The following MACROD1 variants were observed in gnomAD, a reference collection of about 807,000 sequenced individuals.
MACROD1 encodes ADP-ribose glycohydrolase MACROD1.
A neutral mutation model predicts 41.4 loss-of-function variants in MACROD1; 31 were observed. The ratio of observed to expected loss-of-function variants is 0.75; its 90% CI spans 0.56 to 1.01. MACROD1 has a LOEUF of 1.01. Ranked by LOEUF, MACROD1 falls within the 50% of genes least tolerant of loss-of-function variation. The pLI is 0.00. For missense variants in MACROD1, 473 were observed against 460.0 expected, an observed-to-expected ratio of 1.03 and a Z score of -0.26; for synonymous variants, 252 against 203.4, an observed-to-expected ratio of 1.24 and a Z score of -2.03.
intron 3 of MACROD1, among the ~76,000 whole-genome samples, chr11:64,106,289 A>C (rs1258605162): frequency 1.3e-5 from 2 of 151,986 alleles, no homozygotes; most frequent in African/African-American, 4.8e-5. Context: ...ACCCTGGGTC[A>C]CCATGACGTC....
intron 3 of MACROD1, among the ~76,000 whole-genome samples, chr11:64,131,934 G>A (rs1353423572): frequency 3.3e-5 from 5 of 152,184 alleles, no homozygotes; most frequent in Non-Finnish European, 7.3e-5. Context: ...AGTGAGTGGC[G>A]GGAGGGAGGG....
chr11:64,110,110 G>A (rs1398482528), intron 3 of MACROD1, among the ~76,000 whole-genome samples: 1 of 152,112 alleles, frequency 6.6e-6, no homozygotes, highest in African/African-American at 2.4e-5. Flanking sequence ...CACATTTATA[G>A]ATGAGGAAAT....
At chr11:64,133,193 C>T (rs564589359) in intron 3 of MACROD1, among the ~76,000 whole-genome samples, 6 of 152,326 alleles carry the variant, frequency 3.9e-5, no homozygotes, top group African/African-American at 9.6e-5. Context: ...CCTGCTGCCC[C>T]GCTACACAGG....
intron 3 of MACROD1, among the ~76,000 whole-genome samples, chr11:64,062,442 C>T (rs572094061): frequency 2.3e-4 from 35 of 152,246 alleles, no homozygotes; most frequent in Middle Eastern, 3.4e-3. Flanking sequence ...TGGGCATAGG[C>T]GGAAGGCTCG....
intron 3 of MACROD1, among the ~76,000 whole-genome samples, chr11:64,048,174 G>A (rs1943621255): frequency 6.6e-6 from 1 of 152,254 alleles, no homozygotes; most frequent in Non-Finnish European, 1.5e-5. Context: ...TGGCCCACTG[G>A]CCTCTCAGAC....
At chr11:64,158,591 T>C (rs1482140466) in intron 1 of MACROD1, among the ~76,000 whole-genome samples, 1 of 152,006 alleles carries the variant, frequency 6.6e-6, no homozygotes, top group Non-Finnish European at 1.5e-5. Flanking sequence ...GCAGGTGCCA[T>C]TGGTCCCATT....
At chr11:64,127,864 C>T (rs1008637152) in intron 3 of MACROD1, among the ~76,000 whole-genome samples, 2 of 152,148 alleles carry the variant, frequency 1.3e-5, no homozygotes, top group African/African-American at 2.4e-5. Context: ...AGCTCTGGAG[C>T]CTCATCTGCC....
chr11:64,028,615 G>A (rs1250144845), intron 3 of MACROD1, among the ~76,000 whole-genome samples: 1 of 152,198 alleles, frequency 6.6e-6, no homozygotes, highest in Non-Finnish European at 1.5e-5. Context: ...CTCGGCAGCG[G>A]CAGCGTGCTG....
In MACROD1 at chr11:64,006,062, C is replaced by A. The variant is rs771895682; in HGVS notation, c.548-5719G>T. 2.0e-5 allele frequency among the ~76,000 whole-genome samples: 3 copies of A among 152,190 alleles called. No homozygotes were observed. The South Asian group carries it at 6.2e-4, about 31-fold the overall frequency. On this transcript the variant is annotated intron_variant, in intron 4 of 10. Transcript: ENST00000255681. ...CCAAGGCAGAAAGGGACAAGGCTCCCGGGGAAATGGGGGAAACTGAGTCTC... is the reference window on the plus strand; with the variant it reads ...CCAAGGCAGAAAGGGACAAGGCTCCAGGGGAAATGGGGGAAACTGAGTCTC...
At chr11:64,094,129 T>A (rs2134533844) in intron 3 of MACROD1, among the ~76,000 whole-genome samples, 1 of 152,270 alleles carries the variant, frequency 6.6e-6, no homozygotes, top group East Asian at 1.9e-4. Flanking sequence ...AAACCCCGAC[T>A]CTATTAAAAA....
rs912297750 is a variant in MACROD1 at position 64,064,612 on chromosome 11, T to C, written c.518-49331A>G. ...TCCCTGGCCCTGTTAAAACCCAGAA[T>C]GTATCCTGACAGCATTGGAACAGGA... On this transcript the variant is annotated intron_variant, in intron 3 of 10. Transcript: ENST00000255681. The surrounding 1 kb of genome is among the most constrained non-coding windows in gnomAD (Gnocchi z 4.5). Among the ~76,000 whole-genome samples, 1 of 151,684 alleles carries C rather than the reference T, an allele frequency of 6.6e-6. No individual in the cohort carries two copies. The highest frequency in any genetic ancestry group is 1.9e-4 in the East Asian group (1 of 5,172).
At chr11:64,086,306 C>G (rs997439550) in intron 3 of MACROD1, among the ~76,000 whole-genome samples, 1 of 152,032 alleles carries the variant, frequency 6.6e-6, no homozygotes, top group African/African-American at 2.4e-5. Context: ...AAAGTGCATA[C>G]CGGCACCTGC....
At position 64,154,830 on chromosome 11, in the gene MACROD1, C is replaced by T. The variant is rs1311933692; in HGVS notation, c.299-2437G>A. On this transcript the variant is annotated intron_variant, in intron 1 of 10. Coordinates refer to ENST00000255681, the MANE Select transcript of MACROD1 (RefSeq NM_014067.4). ...GCACTCCTGGATTCAAGCAATTCTC[C>T]TGCCTCAGCCTCCCTAGTAGCTGGG... Among the ~76,000 whole-genome samples the T allele has an allele frequency of 3.3e-5, 5 of 152,212 alleles. No individual in the cohort carries two copies. In the East Asian group the frequency reaches 9.6e-4, roughly 29 times the overall value.
At chr11:64,069,580 TG>T (rs1565218393) in intron 3 of MACROD1, among the ~76,000 whole-genome samples, 1 of 152,120 alleles carries the variant, frequency 6.6e-6, no homozygotes, top group African/African-American at 2.4e-5. Flanking sequence ...CCCCTAGCTG[TG>T]GGGCCAGGTG....
intron 3 of MACROD1, among the ~76,000 whole-genome samples, chr11:64,113,519 T>C (rs1323846962): frequency 6.7e-6 from 1 of 148,336 alleles, no homozygotes; most frequent in Non-Finnish European, 1.5e-5. Flanking sequence ...GATAATTGGA[T>C]GGATGGATAG....
At chr11:64,000,648 C>T (rs1182223775) in intron 4 of MACROD1, among the ~76,000 whole-genome samples, 2 of 151,964 alleles carry the variant, frequency 1.3e-5, no homozygotes, top group Non-Finnish European at 2.9e-5. Flanking sequence ...GGCAGGGCGG[C>T]TCCGGGAGGC....
chr11:64,109,008 C>T (rs954307892), intron 3 of MACROD1, among the ~76,000 whole-genome samples: 3 of 152,250 alleles, frequency 2.0e-5, no homozygotes, highest in South Asian at 2.1e-4. Context: ...CATCCATGCA[C>T]GTGAGCATGT....
intron 4 of MACROD1, among the ~76,000 whole-genome samples, chr11:64,005,657 G>A (rs1047540201): frequency 6.6e-6 from 1 of 152,254 alleles, no homozygotes; most frequent in African/African-American, 2.4e-5. Context: ...GCTTTTGGGG[G>A]CTGTATGGGA....
Position 64,151,323 on chromosome 11 carries a change from T to C in MACROD1, c.433A>G (p.Lys145Glu), listed in dbSNP as rs773448508. The C allele has an allele frequency of 9.9e-6, 16 of 1,613,794 alleles. No individual in the cohort carries two copies. Among genetic ancestry groups the C allele is most frequent in the Non-Finnish European group, 1.3e-5 (15 of 1,180,008 alleles). Residue 145 changes from lysine (K) to glutamate (E), a missense_variant, in exon 3 of 11, where the codon AAA (lysine) becomes GAA (glutamate). Lys to Glu is a moderately conservative substitution (Grantham distance 56). Transcript: ENST00000255681. ...VAVKVEEPRY[K>E]KDKQLNEKIS... ...TTCTCATTGAGCTGCTTGTCCTTTTTATACCTGGGCTCCTCCACCTTCACA... is the reference window on the plus strand; with the variant it reads ...TTCTCATTGAGCTGCTTGTCCTTTTCATACCTGGGCTCCTCCACCTTCACA...
Sources: allele counts gnomAD v4.1 joint callset (sites outside exome capture counted in the v4.1 genomes callset), GRCh38; gene constraint gnomAD v4.1.1; non-coding constraint Gnocchi (gnomAD v3.1); transcripts MANE v1.5; gene names NCBI Gene and HGNC (gene_info 2026-07-23, HGNC 2026-07-21).